BCAR3: variants seen among roughly 807,000 people sequenced by gnomAD.
BCAR3 encodes the protein BCAR3 adaptor protein, NSP family member.
In BCAR3, 37 loss-of-function variants were observed where a neutral mutation model predicts 80.1. That is an observed-to-expected ratio of 0.46 (90% CI 0.36 to 0.61). The LOEUF is 0.61. Among genes scored for constraint, BCAR3 ranks in the 20% least tolerant of loss-of-function variants. The pLI is 0.00. For synonymous variants in BCAR3, 389 were observed against 418.9 expected (o/e 0.93, Z 0.87); for missense variants, 978 against 1,068.2 (o/e 0.92, Z 1.18).
chr1:93,790,633 C>CTT (rs1653113294), intron 2 of BCAR3, among the ~76,000 whole-genome samples: 3 of 84,198 alleles, frequency 3.6e-5, no homozygotes, highest in East Asian at 4.3e-4. Context: ...TTTTTGTATT[C>CTT]ATTTTTTTTT....
Position 93,790,204 on chromosome 1 carries a change from A to C in BCAR3, c.-63+55363T>G, listed in dbSNP as rs560444848. On this transcript the variant is annotated intron_variant, in intron 2 of 13. Transcript: ENST00000370244. ...AAAAATAATAAACAATACAGTGAAC[A>C]ACCGAGAGGTTCATTTGGCTAAAGA... Among the ~76,000 whole-genome samples the C allele has an allele frequency of 5.3e-5, 8 of 152,326 alleles. No individual in the cohort carries two copies. In the East Asian group the frequency reaches 1.4e-3, roughly 26 times the overall value.
chr1:93,831,150 T>C (rs932354707), intron 2 of BCAR3, among the ~76,000 whole-genome samples: 2 of 152,182 alleles, frequency 1.3e-5, no homozygotes, highest in African/African-American at 2.4e-5. Flanking sequence ...CTGATCACCA[T>C]GGGGATGCCT....
At chr1:93,687,339 G>C (rs1185608547) in intron 3 of BCAR3, among the ~76,000 whole-genome samples, 1 of 151,702 alleles carries the variant, frequency 6.6e-6, no homozygotes. Flanking sequence ...ATGGAGTCTC[G>C]CTCTGTCACC....
intron 2 of BCAR3, among the ~76,000 whole-genome samples, chr1:93,731,652 T>G (rs1650794644): frequency 5.3e-5 from 1 of 18,858 alleles, no homozygotes; most frequent in Non-Finnish European, 1.9e-4. Flanking sequence ...TAAAGTAAAA[T>G]AAAATAAAAT....
upstream of BCAR3, chr1:93,847,511 G>T (rs1414504753): frequency 6.5e-6 from 1 of 152,706 alleles, no homozygotes; most frequent in Non-Finnish European, 1.5e-5. Context: ...AGGCGCGGTC[G>T]GAAGAGCGCG....
intron 2 of BCAR3, among the ~76,000 whole-genome samples, chr1:93,773,232 C>T (rs1571116344): frequency 6.6e-6 from 1 of 152,288 alleles, no homozygotes; most frequent in East Asian, 1.9e-4. Context: ...GATGGCATTA[C>T]AAGTCTTCAG....
At chr1:93,835,335 T>C (rs1207959574) in intron 2 of BCAR3, among the ~76,000 whole-genome samples, 2 of 152,164 alleles carry the variant, frequency 1.3e-5, no homozygotes, top group African/African-American at 4.8e-5. Flanking sequence ...TCAGATCCCA[T>C]CGCTCAGGGC....
At chr1:93,666,956 GAGGA>G (rs901089303) in intron 2 of BCAR3, among the ~76,000 whole-genome samples, 2 of 152,132 alleles carry the variant, frequency 1.3e-5, no homozygotes, top group East Asian at 1.9e-4. Context: ...AGCCTTCCAG[GAGGA>G]AGGAAGGAAG....
Position 93,841,559 on chromosome 1 carries a change from G to A in BCAR3, c.-63+4008C>T, listed in dbSNP as rs1487445831. 2.6e-5 allele frequency among the ~76,000 whole-genome samples: 4 copies of A among 152,342 alleles called. No homozygotes were observed. In the East Asian group the frequency reaches 7.7e-4, roughly 29 times the overall value. ...CCTGGTCAGCCAGGCAACCAGCCAT[G>A]AGATCTGGAATTGGTGGTGCTGCCT... is the stretch of plus-strand genomic sequence containing the variant. On this transcript the variant is annotated intron_variant, in intron 2 of 13. Transcript: ENST00000370244.
intron 2 of BCAR3, among the ~76,000 whole-genome samples, chr1:93,737,388 G>GA (rs1651011485): frequency 6.6e-6 from 1 of 152,146 alleles, no homozygotes; most frequent in Admixed American, 6.5e-5. Context: ...GCCTATATAA[G>GA]AAAGAGGAGA....
chr1:93,746,486 A>G (rs1216112921), intron 2 of BCAR3, among the ~76,000 whole-genome samples: 3 of 152,182 alleles, frequency 2.0e-5, no homozygotes, highest in South Asian at 4.2e-4. Flanking sequence ...AAGAACACTA[A>G]TATCTTTTGT....
intron 3 of BCAR3, among the ~76,000 whole-genome samples, chr1:93,635,699 C>T (rs745823460): frequency 2.6e-5 from 4 of 152,174 alleles, no homozygotes; most frequent in Non-Finnish European, 5.9e-5. Context: ...CAGGGGATGG[C>T]GCTGGCTCTG....
chr1:93,847,006 CTGGGT>C (rs763696584), intron 1 of BCAR3: 1 of 56,414 alleles, frequency 1.8e-5, no homozygotes, highest in Non-Finnish European at 3.3e-5. Context: ...CCAGCCGCGG[CTGGGT>C]CGGGCGCGGC....
intron 2 of BCAR3, among the ~76,000 whole-genome samples, chr1:93,770,130 C>T (rs1275055695): frequency 6.6e-6 from 1 of 152,194 alleles, no homozygotes; most frequent in Non-Finnish European, 1.5e-5. Context: ...GCTCAACTGT[C>T]ACTTGGCCCA....
chr1:93,574,426 C>T (rs531228359), intron 8 of BCAR3, among the ~76,000 whole-genome samples: 48 of 152,294 alleles, frequency 3.2e-4, no homozygotes, highest in Admixed American at 6.5e-4. Context: ...AACTACTCCC[C>T]AGGCTCTAAA....
intron 2 of BCAR3, among the ~76,000 whole-genome samples, chr1:93,722,713 G>T (rs1283330557): frequency 6.6e-6 from 1 of 152,140 alleles, no homozygotes; most frequent in Non-Finnish European, 1.5e-5. Context: ...CTTGTGTTCC[G>T]GGCTGGGCTC....
At chr1:93,829,842 C>T (rs1023747481) in intron 2 of BCAR3, among the ~76,000 whole-genome samples, 2 of 152,194 alleles carry the variant, frequency 1.3e-5, no homozygotes, top group African/African-American at 2.4e-5. Context: ...TCATGTTCAA[C>T]TGTAATCCCC....
At position 93,750,915 on chromosome 1, in the gene BCAR3, T is replaced by C. The variant is rs552123696; in HGVS notation, c.-62-44773A>G. Among the ~76,000 whole-genome samples, 12 of 152,348 alleles carry C rather than the reference T, an allele frequency of 7.9e-5. No individual in the cohort carries two copies. The East Asian group carries it at 2.3e-3, about 29-fold the overall frequency. On this transcript the variant is annotated intron_variant, in intron 2 of 13. Coordinates refer to the BCAR3 transcript ENST00000370244. ...TCCTCTTTGCTGTGCCATTTCTGAA[T>C]TTCTGACCCGCAGAATCCATAAGCT...
intron 3 of BCAR3, among the ~76,000 whole-genome samples, chr1:93,699,168 A>G (rs1005540171): frequency 6.6e-6 from 1 of 152,166 alleles, no homozygotes; most frequent in Admixed American, 6.5e-5. Context: ...AGAAGAGATA[A>G]CCCTGGTCGG....
Sources: allele counts gnomAD v4.1 joint callset (sites outside exome capture counted in the v4.1 genomes callset), GRCh38; gene constraint gnomAD v4.1.1; transcripts MANE v1.5; gene names NCBI Gene and HGNC (gene_info 2026-07-23, HGNC 2026-07-21).